LRCH1: variants seen among roughly 807,000 people sequenced by gnomAD.
LRCH1 encodes leucine rich repeats and calponin homology domain containing 1.
LRCH1 carries 23 observed loss-of-function variants against 94.9 expected under a neutral mutation model. That is an observed-to-expected ratio of 0.24 (90% CI 0.17 to 0.34). The LOEUF is 0.34. Ranked by LOEUF, LRCH1 falls within the 10% of genes least tolerant of loss-of-function variation. The probability of loss-of-function intolerance (pLI) is 1.00; values close to 1 mark genes in which losing one functional copy is unlikely to be tolerated. For missense variants in LRCH1, 790 were observed against 945.9 expected (o/e 0.84, Z 2.16); for synonymous variants, 364 against 354.9 (o/e 1.03, Z -0.29).
intron 1 of LRCH1, among the ~76,000 whole-genome samples, chr13:46,601,782 G>T (rs1020090060): frequency 6.6e-6 from 1 of 152,132 alleles, no homozygotes; most frequent in African/African-American, 2.4e-5. Context: ...TTTCGTAGGG[G>T]GTTATGGAGT....
chr13:46,685,775 A>G (rs1363980387), intron 4 of LRCH1, 130 bp from the exon 5 acceptor site: 12 of 640,624 alleles, frequency 1.9e-5, no homozygotes, highest in Admixed American at 3.5e-5. Context: ...CTAATGTACA[A>G]CTTGCCTTTG....
At chr13:46,612,270 C>A (rs2050756281) in intron 1 of LRCH1, among the ~76,000 whole-genome samples, 1 of 152,030 alleles carries the variant, frequency 6.6e-6, no homozygotes, top group East Asian at 1.9e-4. Flanking sequence ...TAAAACAGAG[C>A]AAGCAATACC....
rs80345086 is a variant in LRCH1 at position 46,583,349 on chromosome 13, A to T, written c.307+29646A>T. On this transcript the variant is annotated intron_variant, in intron 1 of 19. Transcript: ENST00000389797. ...GGCCAAATTGAAAAGAATGAGGCTT[A>T]TTGTACCAAGATATCTTTCTTGATA... is the stretch of plus-strand genomic sequence containing the variant. 5.1e-3 allele frequency among the ~76,000 whole-genome samples: 781 copies of T among 152,360 alleles called. 9 individuals carry two copies. The highest frequency in any genetic ancestry group is 0.018 in the African/African-American group (738 of 41,590).
At position 46,600,219 on chromosome 13, in the gene LRCH1, A is replaced by G. The variant is rs183367902; in HGVS notation, c.307+46516A>G. The stretch of plus-strand genomic sequence containing the variant: ...TTAACATAGTAACATAAACATTTTT[A>G]TTCTCACAATGTCTTTATGGTTTGG... On this transcript the variant is annotated intron_variant, in intron 1 of 19. Coordinates refer to ENST00000389797, the MANE Select transcript of LRCH1 (RefSeq NM_001164211.2). Among the ~76,000 whole-genome samples, 210 of 152,288 alleles carry G rather than the reference A, an allele frequency of 1.4e-3. 1 individual carries two copies. Among genetic ancestry groups the G allele is most frequent in the African/African-American group, 4.7e-3 (196 of 41,568 alleles).
intron 5 of LRCH1, among the ~76,000 whole-genome samples, chr13:46,687,026 T>G (rs842377): frequency 0.8 from 117,991 of 147,438 alleles, 47,521 homozygotes; most frequent in East Asian, 0.92. Context: ...AGGTGTGATC[T>G]TGGCTTACTG....
chr13:46,743,380 T>A lies in LRCH1; in HGVS notation c.*1532T>A. The stretch of plus-strand genomic sequence containing the variant: ...TGACAGTATCTTGAGTTATGTGAGT[T>A]TTTTTTCCTCCTGACTTTGTGTTGA... On this transcript the variant is annotated 3_prime_UTR_variant, in exon 20 of 20. Coordinates refer to ENST00000389797, the MANE Select transcript of LRCH1 (RefSeq NM_001164211.2). 1 of 983,822 alleles carries A rather than the reference T, an allele frequency of 1.0e-6. No homozygotes were observed. Among genetic ancestry groups the A allele is most frequent in the African/African-American group, 1.8e-5 (1 of 55,490 alleles). The allele number at this position is 983,822 out of a possible 1,614,324, so 60.9% of individuals were successfully genotyped here. A position where few individuals can be genotyped will look rare whatever the true frequency, so the allele number is the denominator to read the frequency against.
intron 15 of LRCH1, among the ~76,000 whole-genome samples, chr13:46,714,487 G>T (rs1872224631): frequency 6.6e-6 from 1 of 152,228 alleles, no homozygotes; most frequent in South Asian, 2.1e-4. Flanking sequence ...AATGCTTAAA[G>T]CCAATTAATT....
chr13:46,680,466 G>C (rs968868156), intron 3 of LRCH1, among the ~76,000 whole-genome samples: 18 of 152,160 alleles, frequency 1.2e-4, no homozygotes, highest in African/African-American at 4.1e-4. Context: ...GTCTCCCTGG[G>C]CATTAGATCA....
intron 16 of LRCH1, 69 bp downstream of exon 16, chr13:46,715,733 T>C: frequency 1.1e-6 from 1 of 918,084 alleles, no homozygotes; most frequent in Admixed American, 2.0e-5. Flanking sequence ...AACATTCATC[T>C]CTGTGCAGCT....
In LRCH1 at chr13:46,695,439, A is replaced by T. The variant is rs1041347938; in HGVS notation, c.1245+422A>T. ...ATGAATGTCTTTCCTTTTTGGAAAG[A>T]TCTCTCTGAGGACACTTATTCCTGA... On this transcript the variant is annotated intron_variant, in intron 9 of 19. Coordinates refer to ENST00000389797, the MANE Select transcript of LRCH1 (RefSeq NM_001164211.2). Among the ~76,000 whole-genome samples the T allele has an allele frequency of 5.9e-5, 9 of 152,318 alleles. 1 individual carries two copies. The Middle Eastern group carries it at 0.01, about 173-fold the overall frequency.
intron 1 of LRCH1, among the ~76,000 whole-genome samples, chr13:46,558,626 G>T (rs1215631962): frequency 7.2e-6 from 1 of 137,978 alleles, no homozygotes; most frequent in African/African-American, 2.9e-5. Context: ...CCAGTTACTC[G>T]GGAGGCTGAG....
intron 10 of LRCH1, among the ~76,000 whole-genome samples, chr13:46,699,645 T>C (rs775730828): frequency 6.6e-5 from 10 of 152,200 alleles, no homozygotes; most frequent in Non-Finnish European, 1.0e-4. Context: ...CGGGTAGTAA[T>C]GTGATTTCAG....
At chr13:46,657,489 T>A (rs1233848143) in intron 2 of LRCH1, among the ~76,000 whole-genome samples, 2 of 114,066 alleles carry the variant, frequency 1.8e-5, no homozygotes, top group Non-Finnish European at 3.8e-5. Flanking sequence ...TTTTACTTTT[T>A]CTTTTCTTTT....
At chr13:46,576,824 T>G (rs970944744) in intron 1 of LRCH1, among the ~76,000 whole-genome samples, 1 of 152,234 alleles carries the variant, frequency 6.6e-6, no homozygotes, top group African/African-American at 2.4e-5. Context: ...ATTTGGTGGC[T>G]TAAAATGATG....
At chr13:46,702,352 AT>A (rs1296535053) in intron 11 of LRCH1, among the ~76,000 whole-genome samples, 1 of 152,120 alleles carries the variant, frequency 6.6e-6, no homozygotes, top group Non-Finnish European at 1.5e-5. Flanking sequence ...TAATACAAAA[AT>A]TAGCTGGGCA....
chr13:46,560,398 A>G (rs1174276647), intron 1 of LRCH1, among the ~76,000 whole-genome samples: 1 of 152,108 alleles, frequency 6.6e-6, no homozygotes, highest in Non-Finnish European at 1.5e-5. Flanking sequence ...GCTTTTTGGA[A>G]AATTGAACGT....
chr13:46,701,076 G>A (rs748122349), intron 10 of LRCH1, 45 bp from the exon 11 acceptor site: 6 of 1,170,482 alleles, frequency 5.1e-6, no homozygotes, highest in East Asian at 2.4e-5. Flanking sequence ...TGATATTCAT[G>A]TTGTATTGAT....
At chr13:46,747,457 GCCACTCT>G (rs2138260667), downstream of LRCH1, among the ~76,000 whole-genome samples, 1 of 152,300 alleles carries the variant, frequency 6.6e-6, no homozygotes, top group African/African-American at 2.4e-5. Context: ...GAGGACACAT[GCCACTCT>G]CCTTTCAGGA....
intron 16 of LRCH1, among the ~76,000 whole-genome samples, chr13:46,721,333 C>T (rs1002473930): frequency 6.6e-5 from 10 of 152,178 alleles, no homozygotes; most frequent in Admixed American, 1.3e-4. Context: ...GGTGTTGAGG[C>T]GCCCCTTGCT....
Sources: gnomAD v4.1 joint callset for allele counts (sites outside exome capture counted in the v4.1 genomes callset) on GRCh38, gnomAD v4.1.1 for gene constraint, MANE v1.5 for transcripts, NCBI Gene and HGNC (gene_info 2026-07-23, HGNC 2026-07-21) for gene names.